The following BABAM2 variants were observed in gnomAD, a reference collection of about 807,000 sequenced individuals.
BABAM2 encodes BRISC and BRCA1-A complex member 2.
In BABAM2, 31 loss-of-function variants were observed where a neutral mutation model predicts 54.7. The observed-to-expected ratio is 0.57, with a 90% CI of 0.43 to 0.77. The LOEUF (loss-of-function observed/expected upper bound fraction) is 0.77. Among genes scored for constraint, BABAM2 ranks in the 30% least tolerant of loss-of-function variants. The probability of loss-of-function intolerance (pLI) is 0.00; values close to 1 mark genes in which losing one functional copy is unlikely to be tolerated. For missense variants in BABAM2, 364 were observed against 455.8 expected (o/e 0.80, Z 1.83); for synonymous variants, 167 against 162.9 (o/e 1.03, Z -0.19).
intron 6 of BABAM2, among the ~76,000 whole-genome samples, chr2:28,051,550 G>T (rs1462410591): frequency 6.6e-6 from 1 of 152,102 alleles, no homozygotes; most frequent in African/African-American, 2.4e-5. Context: ...AGGAAATTTT[G>T]CACACAACTG....
chr2:28,266,439 G>A (rs1451914417), intron 10 of BABAM2, among the ~76,000 whole-genome samples: 1 of 152,230 alleles, frequency 6.6e-6, no homozygotes, highest in African/African-American at 2.4e-5. Flanking sequence ...AGCACCTGCA[G>A]CTTTGCAGCT....
intron 7 of BABAM2, among the ~76,000 whole-genome samples, chr2:28,142,535 T>G (rs1048976609): frequency 2.0e-5 from 3 of 152,164 alleles, no homozygotes; most frequent in Non-Finnish European, 4.4e-5. Context: ...CTCCCACTTT[T>G]TAATCCCTCC....
At chr2:28,308,701 A>G (rs1220051358) in intron 11 of BABAM2, 1 of 261,312 alleles carries the variant, frequency 3.8e-6, no homozygotes, top group Non-Finnish European at 7.4e-6. Context: ...AAACAGTTCC[A>G]TACTCTTTTC....
At chr2:28,049,852 A>G (rs771444126) in intron 6 of BABAM2, among the ~76,000 whole-genome samples, 13 of 152,200 alleles carry the variant, frequency 8.5e-5, no homozygotes, top group Non-Finnish European at 7.4e-5. Flanking sequence ...CATGGAAGAG[A>G]GCATCTAGGT....
chr2:28,245,867 T>A (rs1250289775), intron 10 of BABAM2, among the ~76,000 whole-genome samples: 3 of 152,204 alleles, frequency 2.0e-5, no homozygotes, highest in Non-Finnish European at 2.9e-5. Flanking sequence ...CTGCAGCAGA[T>A]TTACCTTCTT....
At chr2:27,890,326 G>T, upstream of BABAM2, 1 of 1,613,692 alleles carries the variant, frequency 6.2e-7, no homozygotes, top group Non-Finnish European at 8.5e-7. This position sits in a 1 kb window ranked among gnomAD's most constrained non-coding sequence, Gnocchi z 4.8. Flanking sequence ...CTGCCTCTGG[G>T]GTTCCCCAGA....
At chr2:28,273,876 G>A (rs552791403) in intron 10 of BABAM2, among the ~76,000 whole-genome samples, 3 of 152,198 alleles carry the variant, frequency 2.0e-5, no homozygotes, top group Non-Finnish European at 4.4e-5. Flanking sequence ...TTCCTCGTCT[G>A]TGAAATGAGA....
intron 10 of BABAM2, among the ~76,000 whole-genome samples, chr2:28,269,474 A>G (rs1046169811): frequency 1.3e-5 from 2 of 152,216 alleles, no homozygotes; most frequent in Admixed American, 6.5e-5. Context: ...TGCAACCCAG[A>G]TAGTTAGCTC....
intron 10 of BABAM2, among the ~76,000 whole-genome samples, chr2:28,255,904 G>T (rs1382633122): frequency 6.6e-6 from 1 of 152,084 alleles, no homozygotes; most frequent in Non-Finnish European, 1.5e-5. Context: ...GAGCTGAAGT[G>T]ATCCGCCCAC....
At chr2:28,309,140 C>T (rs1688833519) in intron 11 of BABAM2, 1 of 152,210 alleles carries the variant, frequency 6.6e-6, no homozygotes, top group Admixed American at 6.5e-5. Flanking sequence ...CAAGCTCTTT[C>T]AGTATGTTGG....
intron 7 of BABAM2, among the ~76,000 whole-genome samples, chr2:28,142,933 T>C (rs1294149571): frequency 1.3e-5 from 2 of 152,126 alleles, no homozygotes; most frequent in African/African-American, 4.8e-5. Context: ...TGTGTGTAGA[T>C]AGATATTTTG....
chr2:28,259,143 A>G, intron 10 of BABAM2, among the ~76,000 whole-genome samples: 1 of 107,382 alleles, frequency 9.3e-6, no homozygotes, highest in Non-Finnish European at 1.7e-5. Flanking sequence ...GCTGGAGTGT[A>G]GTGGTGCGAT....
intron 10 of BABAM2, among the ~76,000 whole-genome samples, chr2:28,252,794 T>A (rs1683620399): frequency 6.6e-6 from 1 of 152,246 alleles, no homozygotes; most frequent in South Asian, 2.1e-4. Context: ...TCTTTTCAGT[T>A]GTAATTATTG....
intron 11 of BABAM2, among the ~76,000 whole-genome samples, chr2:28,321,369 G>A (rs539830291): frequency 9.4e-4 from 143 of 152,120 alleles, no homozygotes; most frequent in Non-Finnish European, 1.9e-3. Flanking sequence ...TGATTGCCAC[G>A]TGTTCCTCTT....
intron 4 of BABAM2, among the ~76,000 whole-genome samples, chr2:28,004,916 G>A (rs933551011): frequency 6.6e-6 from 1 of 152,100 alleles, no homozygotes; most frequent in African/African-American, 2.4e-5. Context: ...ATGAACTTTA[G>A]CCTAGTTAGC....
chr2:28,150,441 A>G (rs1034851713), intron 7 of BABAM2, among the ~76,000 whole-genome samples: 1 of 152,188 alleles, frequency 6.6e-6, no homozygotes, highest in Non-Finnish European at 1.5e-5. Context: ...TTTCCTGACA[A>G]CAGCCAGAAA....
rs1690144603 is a variant in BABAM2 at position 28,322,932 on chromosome 2, T to A, written c.1089-15518T>A. Among the ~76,000 whole-genome samples the A allele has an allele frequency of 6.6e-6, 1 of 152,206 alleles. No individual in the cohort carries two copies. Among genetic ancestry groups the A allele is most frequent in the Non-Finnish European group, 1.5e-5 (1 of 68,042 alleles). ...TAGACGTCTGGCCTGCTGGATAATA[T>A]CCCCACATACCTCTGAGCAGAAAAG... On this transcript the variant is annotated intron_variant, in intron 11 of 11. Transcript: ENST00000379624. The surrounding 1 kb of genome is among the most constrained non-coding windows in gnomAD (Gnocchi z 4.1).
chr2:28,276,319 C>T (rs958002285), intron 10 of BABAM2, among the ~76,000 whole-genome samples: 5 of 152,114 alleles, frequency 3.3e-5, no homozygotes, highest in African/African-American at 1.2e-4. Context: ...GAGTCATCCA[C>T]TTTAGTCTGC....
At chr2:27,904,864 A>C (rs778112278) in intron 2 of BABAM2, among the ~76,000 whole-genome samples, 19 of 152,320 alleles carry the variant, frequency 1.2e-4, no homozygotes, top group Middle Eastern at 3.4e-3. Flanking sequence ...ATATGCTCCA[A>C]CAAAGCAAGA....
Sources: allele counts gnomAD v4.1 joint callset (sites outside exome capture counted in the v4.1 genomes callset), GRCh38; gene constraint gnomAD v4.1.1; non-coding constraint Gnocchi (gnomAD v3.1); transcripts MANE v1.5; gene names NCBI Gene and HGNC (gene_info 2026-07-23, HGNC 2026-07-21).